The following CARMIL1 variants were observed in gnomAD, a reference collection of about 807,000 sequenced individuals.
CARMIL1 encodes the protein F-actin-uncapping protein LRRC16A.
CARMIL1 carries 90 observed loss-of-function variants against 177.1 expected under a neutral mutation model. That is an observed-to-expected ratio of 0.51 (90% confidence interval 0.43 to 0.61). The LOEUF (loss-of-function observed/expected upper bound fraction) is 0.61. Among genes scored for constraint, CARMIL1 ranks in the 20% least tolerant of loss-of-function variants. The pLI is 0.00. For synonymous variants in CARMIL1, 577 were observed against 606.2 expected, an observed-to-expected ratio of 0.95 and a Z score of 0.71; for missense variants, 1,380 against 1,667.0, an observed-to-expected ratio of 0.83 and a Z score of 3.00.
chr6:25,298,835 A>G (rs527600570), intron 2 of CARMIL1, among the ~76,000 whole-genome samples: 102 of 145,364 alleles, frequency 7.0e-4, no homozygotes, highest in Admixed American at 3.8e-3. Flanking sequence ...GCTCACCGCA[A>G]CCTCCGCCTC....
At chr6:25,573,476 G>A (rs573504217) in intron 29 of CARMIL1, among the ~76,000 whole-genome samples, 27 of 150,802 alleles carry the variant, frequency 1.8e-4, no homozygotes, top group African/African-American at 6.3e-4. Flanking sequence ...AATTCTTGTA[G>A]GTTTTCTGCT....
intron 9 of CARMIL1, among the ~76,000 whole-genome samples, 163 bp from the exon 10 acceptor site, chr6:25,471,006 C>T (rs965071184): frequency 2.0e-5 from 3 of 152,144 alleles, no homozygotes; most frequent in African/African-American, 7.2e-5. Context: ...ATTGTATTTC[C>T]AGGATCTTCA....
At chr6:25,313,504 A>G (rs969779674) in intron 2 of CARMIL1, among the ~76,000 whole-genome samples, 2 of 151,980 alleles carry the variant, frequency 1.3e-5, no homozygotes, top group Non-Finnish European at 2.9e-5. Context: ...GGGCAGAAAG[A>G]TGGGGGGATG....
At chr6:25,337,303 G>A (rs1786358470) in intron 2 of CARMIL1, among the ~76,000 whole-genome samples, 1 of 152,118 alleles carries the variant, frequency 6.6e-6, no homozygotes, top group Non-Finnish European at 1.5e-5. Flanking sequence ...TATTCACACT[G>A]AATAACATTT....
At chr6:25,614,867 A>C (rs764859668) in intron 36 of CARMIL1, among the ~76,000 whole-genome samples, 13 of 152,236 alleles carry the variant, frequency 8.5e-5, no homozygotes, top group Non-Finnish European at 1.8e-4. Context: ...AAGAGATTCT[A>C]TATCTGTCTC....
intron 5 of CARMIL1, among the ~76,000 whole-genome samples, chr6:25,446,706 G>C (rs999033085): frequency 1.3e-5 from 2 of 152,136 alleles, no homozygotes; most frequent in South Asian, 4.1e-4. Flanking sequence ...GTTGCAAAAG[G>C]CCTAATTTTT....
intron 9 of CARMIL1, among the ~76,000 whole-genome samples, chr6:25,469,733 T>G (rs1800938585): frequency 6.6e-6 from 1 of 152,000 alleles, no homozygotes; most frequent in Admixed American, 6.6e-5. Context: ...CCCCACTACT[T>G]TTTGTATATT....
chr6:25,329,299 C>T (rs1313886525), intron 2 of CARMIL1, among the ~76,000 whole-genome samples: 1 of 152,100 alleles, frequency 6.6e-6, no homozygotes, highest in Admixed American at 6.5e-5. Context: ...TGGGTTGTGA[C>T]CAGGCTCTTT....
intron 4 of CARMIL1, among the ~76,000 whole-genome samples, chr6:25,434,354 G>A (rs1373778248): frequency 6.6e-6 from 1 of 152,014 alleles, no homozygotes; most frequent in African/African-American, 2.4e-5. Context: ...CTTATTTAGA[G>A]GACTAGCTGT....
chr6:25,402,225 A>G (rs1030900693), intron 2 of CARMIL1, among the ~76,000 whole-genome samples: 1 of 152,132 alleles, frequency 6.6e-6, no homozygotes, highest in African/African-American at 2.4e-5. Context: ...AACTTAAAGC[A>G]GGAAGATTGT....
chr6:25,513,139 C>T (rs988320038), intron 20 of CARMIL1, among the ~76,000 whole-genome samples: 1 of 151,986 alleles, frequency 6.6e-6, no homozygotes, highest in Non-Finnish European at 1.5e-5. Flanking sequence ...TGGCAGTTTT[C>T]CAGTATTAGG....
At chr6:25,340,809 C>A (rs1233441502) in intron 2 of CARMIL1, among the ~76,000 whole-genome samples, 2 of 67,024 alleles carry the variant, frequency 3.0e-5, no homozygotes, top group African/African-American at 1.1e-4. Context: ...TTTTTTAAGT[C>A]GTGTAAGAAT....
chr6:25,422,695 A>C (rs1252888649), intron 3 of CARMIL1, among the ~76,000 whole-genome samples: 1 of 152,222 alleles, frequency 6.6e-6, no homozygotes, highest in African/African-American at 2.4e-5. Flanking sequence ...TATTAATTAC[A>C]GAAGGAAATT....
intron 29 of CARMIL1, chr6:25,563,845 A>G: frequency 2.0e-6 from 2 of 985,422 alleles, no homozygotes; most frequent in Non-Finnish European, 2.4e-6. Context: ...CTATGAATCT[A>G]CCACTGAAAT....
At chr6:25,340,684 C>G (rs1209689581) in intron 2 of CARMIL1, among the ~76,000 whole-genome samples, 1 of 150,538 alleles carries the variant, frequency 6.6e-6, no homozygotes, top group East Asian at 2.0e-4. Flanking sequence ...GAACTACATG[C>G]TACGAGGGGA....
chr6:25,411,174 C>G (rs947421795), intron 2 of CARMIL1, among the ~76,000 whole-genome samples: 14 of 152,168 alleles, frequency 9.2e-5, no homozygotes, highest in Non-Finnish European at 1.8e-4. Flanking sequence ...GATGAGGTCT[C>G]TTAGCACACA....
intron 16 of CARMIL1, among the ~76,000 whole-genome samples, chr6:25,496,306 C>T (rs944352303): frequency 1.3e-4 from 20 of 151,698 alleles, no homozygotes; most frequent in African/African-American, 1.7e-4. Flanking sequence ...GGTGAAACCC[C>T]GACTCTACTA....
intron 2 of CARMIL1, among the ~76,000 whole-genome samples, chr6:25,379,439 A>C (rs1215072976): frequency 1.3e-5 from 2 of 152,166 alleles, no homozygotes; most frequent in Non-Finnish European, 2.9e-5. Flanking sequence ...GAATGTGACC[A>C]TGAAGGATGT....
chr6:25,583,553 C>G (rs1214622777), intron 31 of CARMIL1, among the ~76,000 whole-genome samples: 1 of 152,106 alleles, frequency 6.6e-6, no homozygotes, highest in Non-Finnish European at 1.5e-5. Context: ...TAGCTGGAGA[C>G]ATAGATGGAT....
Sources: allele counts gnomAD v4.1 joint callset (sites outside exome capture counted in the v4.1 genomes callset), GRCh38; gene constraint gnomAD v4.1.1; transcripts MANE v1.5; gene names NCBI Gene and HGNC (gene_info 2026-07-23, HGNC 2026-07-21).